Variants in ANKRD30BL observed in about 807,000 individuals in gnomAD.
ANKRD30BL encodes the protein ankyrin repeat domain 30B like.
Under a neutral mutation model 18.4 loss-of-function variants are expected in ANKRD30BL, and 20 were observed. The observed-to-expected ratio is 1.09, with a 90% CI of 0.77 to 1.58. ANKRD30BL has a LOEUF of 1.58. Ranked by LOEUF, ANKRD30BL falls within the 40% of genes most tolerant of loss-of-function variation. The probability of loss-of-function intolerance (pLI) is 0.00; values close to 1 mark genes in which losing one functional copy is unlikely to be tolerated. For synonymous variants in ANKRD30BL, 72 were observed against 100.9 expected (o/e 0.71, Z 1.72); for missense variants, 224 against 268.6 (o/e 0.83, Z 1.16).
intron 1 of ANKRD30BL, among the ~76,000 whole-genome samples, chr2:132,173,580 C>T (rs184155973): frequency 1.3e-4 from 20 of 152,146 alleles, no homozygotes; most frequent in African/African-American, 4.6e-4. Flanking sequence ...TACAGGTGTG[C>T]ATCGCTCCTG....
At chr2:132,243,034 C>T (rs1371665520) in intron 1 of ANKRD30BL, among the ~76,000 whole-genome samples, 5 of 150,808 alleles carry the variant, frequency 3.3e-5, no homozygotes, top group African/African-American at 4.9e-5. Flanking sequence ...TTGAGGATTT[C>T]GTTGGAAACG....
At chr2:132,256,457 G>C (rs75924145) in intron 1 of ANKRD30BL, among the ~76,000 whole-genome samples, 1 of 152,228 alleles carries the variant, frequency 6.6e-6, no homozygotes, top group Admixed American at 6.5e-5. Context: ...GCGAGGGACC[G>C]GCGGCCACTC....
At chr2:132,192,419 C>A (rs1426451997) in intron 1 of ANKRD30BL, among the ~76,000 whole-genome samples, 1 of 152,170 alleles carries the variant, frequency 6.6e-6, no homozygotes, top group Non-Finnish European at 1.5e-5. Context: ...GATTCTGAAA[C>A]AAAGCCATGC....
upstream of ANKRD30BL, among the ~76,000 whole-genome samples, chr2:132,165,197 A>G (rs369813133): frequency 1.5e-4 from 22 of 149,560 alleles, no homozygotes; most frequent in East Asian, 3.5e-3. Context: ...CTCCTCACTG[A>G]ATCTTTTGCC....
At chr2:132,241,848 G>T (rs1316043353) in intron 1 of ANKRD30BL, among the ~76,000 whole-genome samples, 1 of 151,658 alleles carries the variant, frequency 6.6e-6, no homozygotes, top group Non-Finnish European at 1.5e-5. Flanking sequence ...TTGGAAACGG[G>T]AATATCTTCA....
At chr2:132,225,072 G>A (rs990012797) in intron 1 of ANKRD30BL, among the ~76,000 whole-genome samples, 5 of 151,588 alleles carry the variant, frequency 3.3e-5, no homozygotes, top group Non-Finnish European at 5.9e-5. Flanking sequence ...TAATAGAGCA[G>A]TTTTGAAACA....
intron 1 of ANKRD30BL, chr2:132,253,303 G>A (rs1458085125): frequency 6.5e-6 from 1 of 152,936 alleles, no homozygotes; most frequent in Non-Finnish European, 1.5e-5. Context: ...ACCACTAAAA[G>A]TCATACAAGG....
intron 1 of ANKRD30BL, among the ~76,000 whole-genome samples, chr2:132,192,718 T>TCCC (rs1470452170): frequency 1.3e-5 from 2 of 152,224 alleles, no homozygotes; most frequent in East Asian, 3.9e-4. Context: ...GTGACTGCAT[T>TCCC]TGTGTCCCTG....
chr2:132,256,322 G>A (rs1352528218), intron 1 of ANKRD30BL, among the ~76,000 whole-genome samples: 2 of 145,730 alleles, frequency 1.4e-5, no homozygotes, highest in Non-Finnish European at 3.0e-5. Flanking sequence ...GGAGGGGGGT[G>A]GTGGGGCGGC....
At chr2:132,174,204 A>G (rs1187099280) in intron 1 of ANKRD30BL, among the ~76,000 whole-genome samples, 1 of 152,210 alleles carries the variant, frequency 6.6e-6, no homozygotes, top group Non-Finnish European at 1.5e-5. Context: ...GTATGTTGAC[A>G]TTTGCAGTAG....
At chr2:132,228,053 T>C (rs1451225640) in intron 1 of ANKRD30BL, among the ~76,000 whole-genome samples, 4 of 152,246 alleles carry the variant, frequency 2.6e-5, no homozygotes, top group Middle Eastern at 3.4e-3. Flanking sequence ...AGTGGACATT[T>C]GGAGCACTTT....
chr2:132,234,452 A>G (rs1680099655), intron 1 of ANKRD30BL, among the ~76,000 whole-genome samples: 1 of 152,142 alleles, frequency 6.6e-6, no homozygotes, highest in Admixed American at 6.6e-5. Flanking sequence ...AGACTAATAA[A>G]GAAAAAAAGA....
At chr2:132,208,155 G>A (rs1249866279) in intron 1 of ANKRD30BL, among the ~76,000 whole-genome samples, 6 of 152,032 alleles carry the variant, frequency 3.9e-5, no homozygotes, top group Non-Finnish European at 7.4e-5. Flanking sequence ...CACTTGTACT[G>A]CAGGCCTCTG....
At chr2:132,234,043 C>G (rs1680087636) in intron 1 of ANKRD30BL, among the ~76,000 whole-genome samples, 1 of 151,998 alleles carries the variant, frequency 6.6e-6, no homozygotes, top group Non-Finnish European at 1.5e-5. Context: ...CACTCAAAAC[C>G]ACTCAACTAC....
At chr2:132,154,338 C>A (rs370979108) in intron 4 of ANKRD30BL, among the ~76,000 whole-genome samples, 3 of 152,154 alleles carry the variant, frequency 2.0e-5, no homozygotes, top group Non-Finnish European at 4.4e-5. Context: ...TCATTCAATA[C>A]TGAATTATAA....
chr2:132,167,266 A>G (rs1688203225), intron 1 of ANKRD30BL, among the ~76,000 whole-genome samples: 1 of 143,862 alleles, frequency 7.0e-6, no homozygotes, highest in South Asian at 2.2e-4. Context: ...CATTAATTAC[A>G]TTCATTTATT....
chr2:132,147,800 G>A lies in ANKRD30BL; in HGVS notation c.*331C>T, dbSNP rs368134674. 3 of 318,986 alleles carry A rather than the reference G, an allele frequency of 9.4e-6. No individual in the cohort carries two copies. The South Asian group carries it at 1.0e-4, about 11-fold the overall frequency. The allele number at this position is 318,986 out of a possible 1,614,324, so 19.8% of individuals were successfully genotyped here. A position where few individuals can be genotyped will look rare whatever the true frequency, so the allele number is the denominator to read the frequency against. ...TTTAAAGAGGGCAGGGGTATGAGCTGGAGTGGCAGGGTGAGTAGTTTCAGC... is the reference window on the plus strand; with the variant it reads ...TTTAAAGAGGGCAGGGGTATGAGCTAGAGTGGCAGGGTGAGTAGTTTCAGC... On this transcript the variant is annotated 3_prime_UTR_variant, in exon 6 of 6. Transcript: ENST00000409867.
At chr2:132,254,317 C>T (rs991158840) in intron 1 of ANKRD30BL, among the ~76,000 whole-genome samples, 1 of 152,138 alleles carries the variant, frequency 6.6e-6, no homozygotes, top group South Asian at 2.1e-4. Context: ...AAGGACATGG[C>T]GGCGTCTCCG....
At position 132,211,020 on chromosome 2, in the gene ANKRD30BL, C is replaced by T. The variant is rs1320211530; in HGVS notation, n.441+46509G>A. On this transcript the variant is annotated intron_variant and non_coding_transcript_variant, in intron 1 of 4. Coordinates refer to the ANKRD30BL transcript ENST00000470729. ...GGAATCTGCAAGTGGATATTTTTAA[C>T]ACTTGACAGCCTATGGTGGAAAAGG... is the stretch of plus-strand genomic sequence containing the variant. Among the ~76,000 whole-genome samples the T allele has an allele frequency of 2.8e-3, 300 of 106,564 alleles. 1 individual carries two copies. The highest frequency in any genetic ancestry group is 9.9e-3 in the African/African-American group (291 of 29,404). 69.9% of individuals were successfully genotyped at this position (106,564 alleles called of 152,430 possible).
Sources: allele counts gnomAD v4.1 joint callset (sites outside exome capture counted in the v4.1 genomes callset), GRCh38; gene constraint gnomAD v4.1.1; transcripts MANE v1.5; gene names NCBI Gene and HGNC (gene_info 2026-07-23, HGNC 2026-07-21).